AUTS2: variants seen among roughly 807,000 people sequenced by gnomAD.
AUTS2 encodes the protein activator of transcription and developmental regulator AUTS2.
Under a neutral mutation model 112.4 loss-of-function variants are expected in AUTS2, and 17 were observed. The observed-to-expected ratio is 0.15, with a 90% confidence interval of 0.10 to 0.23. The LOEUF (loss-of-function observed/expected upper bound fraction) is 0.23. Ranked by LOEUF, AUTS2 falls within the 10% of genes least tolerant of loss-of-function variation. The pLI, the probability that AUTS2 is intolerant of heterozygous loss-of-function variation, is 1.00. For synonymous variants in AUTS2, 751 were observed against 702.7 expected, an observed-to-expected ratio of 1.07 and a Z score of -1.09; for missense variants, 1,510 against 1,701.6, an observed-to-expected ratio of 0.89 and a Z score of 1.98.
intron 5 of AUTS2, among the ~76,000 whole-genome samples, chr7:70,446,911 G>A (rs1796341527): frequency 6.6e-6 from 1 of 152,150 alleles, no homozygotes; most frequent in Admixed American, 6.5e-5. Flanking sequence ...TATACGTCCC[G>A]GACTGGCAAG....
In AUTS2 at chr7:70,634,025, C is replaced by T. The variant is rs562000320; in HGVS notation, c.691-64544C>T. Among the ~76,000 whole-genome samples the T allele has an allele frequency of 2.0e-4, 30 of 152,058 alleles. 1 individual carries two copies. In the South Asian group the frequency reaches 6.2e-3, roughly 32 times the overall value. On this transcript the variant is annotated intron_variant, in intron 5 of 18. Coordinates refer to ENST00000342771, the MANE Select transcript of AUTS2 (RefSeq NM_015570.4). ...ATTCTAGGTACTAGATCCATATCAT[C>T]AGTGCTGATTCTAGGTACTAGATCC...
chr7:69,941,087 C>T lies in AUTS2; in HGVS notation c.522+41589C>T, dbSNP rs550981239. Among the ~76,000 whole-genome samples the T allele has an allele frequency of 9.9e-4, 150 of 152,284 alleles. 5 individuals carry two copies. In the South Asian group the frequency reaches 0.019, roughly 19 times the overall value. On this transcript the variant is annotated intron_variant, in intron 2 of 18. Coordinates refer to ENST00000342771, the MANE Select transcript of AUTS2 (RefSeq NM_015570.4). ...ACACATGCACGCAAGCATGTACACA[C>T]GCACACACATTTGTTGTAGAGGGTT...
intron 1 of AUTS2, among the ~76,000 whole-genome samples, chr7:69,841,295 G>A (rs1164329821): frequency 1.3e-5 from 2 of 152,198 alleles, no homozygotes; most frequent in Non-Finnish European, 2.9e-5. Flanking sequence ...TCAGCTTCTA[G>A]AAGGAGGAGA....
chr7:69,729,408 T>G, intron 1 of AUTS2, among the ~76,000 whole-genome samples: 1 of 143,124 alleles, frequency 7.0e-6, no homozygotes, highest in Non-Finnish European at 1.5e-5. Flanking sequence ...GAGTTTTAAA[T>G]GTCCCCCAAC....
intron 4 of AUTS2, among the ~76,000 whole-genome samples, chr7:70,260,634 C>T (rs928437779): frequency 4.1e-4 from 62 of 151,788 alleles, no homozygotes; most frequent in Admixed American, 1.1e-3. Flanking sequence ...AGTTTCAACA[C>T]GAGTTTTGGA....
intron 1 of AUTS2, among the ~76,000 whole-genome samples, chr7:69,884,046 A>G (rs1259386613): frequency 6.6e-6 from 1 of 152,186 alleles, no homozygotes; most frequent in East Asian, 1.9e-4. Context: ...TCCTTATGGG[A>G]CCAACAGCCA....
chr7:70,302,193 T>C (rs1281820462), intron 4 of AUTS2, among the ~76,000 whole-genome samples: 1 of 152,128 alleles, frequency 6.6e-6, no homozygotes, highest in Non-Finnish European at 1.5e-5. Context: ...GGAGGATCGC[T>C]TGAGCTGAGG....
intron 4 of AUTS2, among the ~76,000 whole-genome samples, chr7:70,396,845 A>C (rs1794107209): frequency 1.3e-5 from 2 of 152,204 alleles, no homozygotes; most frequent in Admixed American, 1.3e-4. Flanking sequence ...ATTCACATAC[A>C]AGTCTTTGTA....
At chr7:70,187,984 T>A (rs1809696506) in intron 4 of AUTS2, among the ~76,000 whole-genome samples, 4 of 152,186 alleles carry the variant, frequency 2.6e-5, no homozygotes, top group Admixed American at 2.6e-4. Context: ...CTTGAACATG[T>A]AATAATTCAC....
At chr7:70,754,938 A>G (rs1052559810) in intron 6 of AUTS2, among the ~76,000 whole-genome samples, 2 of 151,788 alleles carry the variant, frequency 1.3e-5, no homozygotes, top group African/African-American at 2.4e-5. Context: ...AGACTTCGTA[A>G]CAGAATATGA....
chr7:70,707,523 A>G (rs190190337), intron 6 of AUTS2, among the ~76,000 whole-genome samples: 48 of 152,262 alleles, frequency 3.2e-4, no homozygotes, highest in African/African-American at 1.1e-3. Flanking sequence ...CGGGATGGTA[A>G]AAATTCGGAT....
chr7:70,084,214 G>A (rs947012223), intron 2 of AUTS2, among the ~76,000 whole-genome samples: 3 of 152,000 alleles, frequency 2.0e-5, no homozygotes. Flanking sequence ...GGGGGTTCTG[G>A]CTTCTTTCAC....
chr7:70,364,614 T>A (rs1018679391), intron 4 of AUTS2, among the ~76,000 whole-genome samples: 10 of 142,528 alleles, frequency 7.0e-5, no homozygotes, highest in East Asian at 2.0e-4. Context: ...AATAAATAAA[T>A]AAAAATTAAA....
intron 4 of AUTS2, among the ~76,000 whole-genome samples, chr7:70,208,067 G>T (rs1332970546): frequency 6.9e-6 from 1 of 144,858 alleles, no homozygotes; most frequent in East Asian, 2.0e-4. Flanking sequence ...ATAGAAAAAA[G>T]GAGTGTGTGT....
chr7:69,913,474 A>T (rs553127458), intron 2 of AUTS2, among the ~76,000 whole-genome samples: 1 of 152,304 alleles, frequency 6.6e-6, no homozygotes, highest in African/African-American at 2.4e-5. Flanking sequence ...TTGGAGGTAT[A>T]CATTTTCTTC....
intron 4 of AUTS2, among the ~76,000 whole-genome samples, chr7:70,414,244 C>T (rs760432440): frequency 9.2e-5 from 14 of 152,144 alleles, no homozygotes; most frequent in East Asian, 1.9e-4. Flanking sequence ...TTCATTGGCC[C>T]ATCATGTAGA....
intron 1 of AUTS2, among the ~76,000 whole-genome samples, chr7:69,634,342 G>T (rs1203208418): frequency 6.6e-6 from 1 of 151,908 alleles, no homozygotes; most frequent in Non-Finnish European, 1.5e-5. Flanking sequence ...GGATGGTCTC[G>T]ATCTCCTGAC....
At chr7:70,662,996 T>G (rs1260381080) in intron 5 of AUTS2, among the ~76,000 whole-genome samples, 1 of 152,256 alleles carries the variant, frequency 6.6e-6, no homozygotes, top group Non-Finnish European at 1.5e-5. Flanking sequence ...TAGCAATTTT[T>G]AAACACTTAT....
At chr7:70,307,421 A>C (rs1463414404) in intron 4 of AUTS2, among the ~76,000 whole-genome samples, 1 of 152,222 alleles carries the variant, frequency 6.6e-6, no homozygotes, top group South Asian at 2.1e-4. Context: ...TATAAAAATG[A>C]AAGCCCTCAA....
Sources: allele counts gnomAD v4.1 joint callset (sites outside exome capture counted in the v4.1 genomes callset), GRCh38; gene constraint gnomAD v4.1.1; transcripts MANE v1.5; gene names NCBI Gene and HGNC (gene_info 2026-07-23, HGNC 2026-07-21).